TCF4: variants seen among roughly 807,000 people sequenced by gnomAD.
The protein encoded by TCF4 is transcription factor 4.
Under a neutral mutation model 82.1 loss-of-function variants are expected in TCF4, and 3 were observed. That is an observed-to-expected ratio of 0.04 (90% CI 0.02 to 0.09). The LOEUF (loss-of-function observed/expected upper bound fraction) is 0.09. Among genes scored for constraint, TCF4 ranks in the 10% least tolerant of loss-of-function variants. The pLI, the probability that TCF4 is intolerant of heterozygous loss-of-function variation, is 1.00. For synonymous variants in TCF4, 276 were observed against 309.6 expected, an observed-to-expected ratio of 0.89 and a Z score of 1.14; for missense variants, 518 against 852.7, an observed-to-expected ratio of 0.61 and a Z score of 4.89.
chr18:55,432,219 C>T (rs2095222353), intron 5 of TCF4, among the ~76,000 whole-genome samples: 1 of 152,196 alleles, frequency 6.6e-6, no homozygotes. Context: ...AGCAGAATCA[C>T]TTGAACCCAG....
At chr18:55,500,425 G>C (rs1026957884) in intron 3 of TCF4, among the ~76,000 whole-genome samples, 1 of 152,198 alleles carries the variant, frequency 6.6e-6, no homozygotes, top group African/African-American at 2.4e-5. Context: ...CCACAAGTCT[G>C]CTTCTTAAAG....
intron 5 of TCF4, among the ~76,000 whole-genome samples, chr18:55,417,850 A>G (rs1400795863): frequency 1.3e-5 from 2 of 152,154 alleles, no homozygotes; most frequent in Non-Finnish European, 2.9e-5. Flanking sequence ...TAAATTAAAA[A>G]CAAATGTTTT....
chr18:55,359,452 G>A (rs573406909), intron 6 of TCF4, among the ~76,000 whole-genome samples: 48 of 152,184 alleles, frequency 3.2e-4, no homozygotes, highest in Admixed American at 7.8e-4. Context: ...ATCCTCAAGC[G>A]CAGAAAGTGA....
chr18:55,416,845 G>C (rs2094542143), intron 5 of TCF4, among the ~76,000 whole-genome samples: 1 of 152,150 alleles, frequency 6.6e-6, no homozygotes, highest in African/African-American at 2.4e-5. Context: ...CTTTACGTGG[G>C]TAAAATTTTG....
chr18:55,247,423 C>A (rs899031821), intron 15 of TCF4, among the ~76,000 whole-genome samples: 1 of 152,186 alleles, frequency 6.6e-6, no homozygotes, highest in Non-Finnish European at 1.5e-5. Context: ...AAAAAGTACA[C>A]AATGAGACTG....
intron 17 of TCF4, 57 bp from the exon 18 acceptor site, chr18:55,229,133 T>C: frequency 1.3e-6 from 2 of 1,584,976 alleles, no homozygotes; most frequent in Non-Finnish European, 1.7e-6. Context: ...AGAAGGTGTC[T>C]ACATTACTTT....
intron 2 of TCF4, among the ~76,000 whole-genome samples, chr18:55,618,573 TTC>T (rs2097714450): frequency 6.6e-6 from 1 of 151,990 alleles, no homozygotes; most frequent in Non-Finnish European, 1.5e-5. Context: ...AATTTTTCTT[TTC>T]TCTTTTTTTT....
intron 3 of TCF4, among the ~76,000 whole-genome samples, chr18:55,566,458 T>C (rs2097407809): frequency 6.6e-6 from 1 of 151,922 alleles, no homozygotes; most frequent in Admixed American, 6.6e-5. Flanking sequence ...ATACAAAAAC[T>C]GTCATAAATA....
intron 3 of TCF4, among the ~76,000 whole-genome samples, chr18:55,505,313 T>A (rs1363748243): frequency 1.3e-5 from 2 of 152,142 alleles, no homozygotes; most frequent in East Asian, 3.9e-4. Flanking sequence ...CTAACTAAAG[T>A]GTCTAAAAAG....
intron 3 of TCF4, among the ~76,000 whole-genome samples, chr18:55,572,805 G>A (rs987897440): frequency 1.3e-5 from 2 of 152,158 alleles, no homozygotes; most frequent in African/African-American, 4.8e-5. Flanking sequence ...TGTAATCCCA[G>A]CACTTTGGGA....
intron 10 of TCF4, among the ~76,000 whole-genome samples, chr18:55,271,307 T>C (rs78161885): frequency 0.017 from 2,638 of 152,276 alleles, 36 homozygotes; most frequent in Non-Finnish European, 0.027. Flanking sequence ...ACCTGTATTG[T>C]AAACTCTTTA....
intron 3 of TCF4, among the ~76,000 whole-genome samples, chr18:55,467,751 C>T (rs540309103): frequency 4.1e-4 from 63 of 152,294 alleles, no homozygotes; most frequent in Non-Finnish European, 7.3e-4. Flanking sequence ...GGACACTGCA[C>T]GGTCTTTTAT....
chr18:55,356,932 A>G (rs1483628509), intron 6 of TCF4, among the ~76,000 whole-genome samples: 1 of 152,162 alleles, frequency 6.6e-6, no homozygotes, highest in Non-Finnish European at 1.5e-5. Context: ...ATTCAAATAC[A>G]TTGTCTTTCC....
At chr18:55,592,885 CAATT>C (rs968398054), upstream of TCF4, among the ~76,000 whole-genome samples, 4 of 152,114 alleles carry the variant, frequency 2.6e-5, no homozygotes, top group Admixed American at 2.0e-4. Flanking sequence ...AGCAGACAAA[CAATT>C]AAGTCCTAGA....
At chr18:55,453,963 A>G (rs1051443121) in intron 5 of TCF4, among the ~76,000 whole-genome samples, 1 of 152,050 alleles carries the variant, frequency 6.6e-6, no homozygotes, top group South Asian at 2.1e-4. Flanking sequence ...CCCAGCCTCC[A>G]GTAGTCCTTC....
intron 3 of TCF4, among the ~76,000 whole-genome samples, chr18:55,560,417 A>G (rs584564): frequency 0.94 from 143,699 of 152,280 alleles, 67,879 homozygotes; most frequent in East Asian, 1. Flanking sequence ...TGCTGTCATC[A>G]GAAGAGTTAA....
chr18:55,409,565 A>G (rs2094252727), intron 5 of TCF4, among the ~76,000 whole-genome samples: 1 of 152,024 alleles, frequency 6.6e-6, no homozygotes, highest in East Asian at 1.9e-4. Context: ...GCCCGTCCCC[A>G]TCTTTTTTGT....
intron 6 of TCF4, among the ~76,000 whole-genome samples, chr18:55,388,110 C>T (rs1445880585): frequency 6.6e-6 from 1 of 152,176 alleles, no homozygotes; most frequent in Non-Finnish European, 1.5e-5. Flanking sequence ...AAAGCTAAGT[C>T]CACTGTCATT....
chr18:55,561,674 T>C (rs1000458466), intron 3 of TCF4, among the ~76,000 whole-genome samples: 5 of 152,362 alleles, frequency 3.3e-5, no homozygotes, highest in African/African-American at 1.2e-4. Flanking sequence ...CTTCCTCTAC[T>C]TTTAGTTTGT....
Sources: allele counts gnomAD v4.1 joint callset (sites outside exome capture counted in the v4.1 genomes callset), GRCh38; gene constraint gnomAD v4.1.1; transcripts MANE v1.5; gene names NCBI Gene and HGNC (gene_info 2026-07-23, HGNC 2026-07-21).